Variants in SUCO observed in about 807,000 individuals in gnomAD.
SUCO encodes the protein SUN domain containing ossification factor.
In SUCO, 57 loss-of-function variants were observed where a neutral mutation model predicts 148.1. That is an observed-to-expected ratio of 0.38 (90% CI 0.31 to 0.48). The LOEUF (loss-of-function observed/expected upper bound fraction) is 0.48, where lower values mean the gene tolerates loss of function less well. Among genes scored for constraint, SUCO ranks in the 20% least tolerant of loss-of-function variants. The pLI, the probability that SUCO is intolerant of heterozygous loss-of-function variation, is 0.96. For missense variants in SUCO, 1,331 were observed against 1,468.2 expected (o/e 0.91, Z 1.53); for synonymous variants, 470 against 502.7 (o/e 0.93, Z 0.87).
intron 1 of SUCO, among the ~76,000 whole-genome samples, chr1:172,535,869 T>TCAAACTG (rs1651975974): frequency 6.6e-6 from 1 of 152,232 alleles, no homozygotes; most frequent in Admixed American, 6.5e-5. Flanking sequence ...TCTGCTTTTG[T>TCAAACTG]CTTGTAGCCT....
rs1658212267 is a variant in SUCO at position 172,611,511 on chromosome 1, CT to C, written c.*1254del. 1.3e-5 allele frequency: 2 copies of C among 152,560 alleles called. No homozygotes were observed. The highest frequency in any genetic ancestry group is 6.6e-5 in the Admixed American group (1 of 15,260). 9.5% of individuals were successfully genotyped at this position (152,560 alleles called of 1,614,324 possible). A position where few individuals can be genotyped will look rare whatever the true frequency, so the allele number is the denominator to read the frequency against. ...TTTAGTAGTGATAACTGTTTTTAAA[CT>C]TGCCTAATACCTTTCTTGGGTATTG... On this transcript the variant is annotated 3_prime_UTR_variant, in exon 24 of 24. Transcript: ENST00000263688.
intron 1 of SUCO, among the ~76,000 whole-genome samples, chr1:172,542,145 C>T (rs1199186780): frequency 6.6e-6 from 1 of 151,894 alleles, no homozygotes; most frequent in Admixed American, 6.6e-5. Context: ...TTTGGGAGGT[C>T]GAGGCAGGCG....
intron 18 of SUCO, 63 bp from the exon 19 acceptor site, chr1:172,590,921 T>C (rs1180636515): frequency 4.3e-6 from 5 of 1,174,562 alleles, no homozygotes; most frequent in Non-Finnish European, 6.2e-6. Context: ...AGAAGTATGT[T>C]TCCATTACTA....
intron 6 of SUCO, among the ~76,000 whole-genome samples, chr1:172,562,810 G>A (rs190085723): frequency 6.4e-4 from 98 of 152,282 alleles, no homozygotes; most frequent in African/African-American, 2.2e-3. Context: ...TTAGCTCTGT[G>A]TCGCCACCCA....
chr1:172,578,061 CAG>C (rs982510593), intron 13 of SUCO, among the ~76,000 whole-genome samples: 4 of 151,594 alleles, frequency 2.6e-5, no homozygotes, highest in African/African-American at 9.7e-5. Flanking sequence ...TGATAATACA[CAG>C]AAACGTTTTA....
chr1:172,557,017 T>A (rs1653804255), intron 4 of SUCO: 2 of 977,260 alleles, frequency 2.0e-6, no homozygotes, highest in African/African-American at 3.5e-5. Context: ...ATGATGGAAA[T>A]TAAACTTTAG....
intron 3 of SUCO, among the ~76,000 whole-genome samples, chr1:172,553,769 G>A (rs943844476): frequency 6.6e-6 from 1 of 151,956 alleles, no homozygotes; most frequent in East Asian, 1.9e-4. Context: ...ACTTATTGTG[G>A]GTATGAATAG....
Position 172,570,650 on chromosome 1 carries a change from CTT to C in SUCO, c.982-9_982-8del, listed in dbSNP as rs746444017. ...CCTTAAGTAATTTGTTTCCTTTCCT[CTT>C]TTTAAAATAGAGCACATCTGCTATT... On this transcript the variant is annotated splice_polypyrimidine_tract_variant and intron_variant, in intron 8 of 23. Transcript: ENST00000263688. 5 of 1,537,444 alleles carry C rather than the reference CTT, an allele frequency of 3.3e-6. No individual in the cohort carries two copies. In the East Asian group the frequency reaches 9.0e-5, roughly 28 times the overall value.
intron 6 of SUCO, among the ~76,000 whole-genome samples, chr1:172,566,299 G>A (rs2149242356): frequency 6.6e-6 from 1 of 152,304 alleles, no homozygotes; most frequent in South Asian, 2.1e-4. Context: ...GTCCCTTGCT[G>A]TTTTCTTGCT....
chr1:172,533,129 C>A (rs1056232276), upstream of SUCO: 1 of 1,439,622 alleles, frequency 6.9e-7, no homozygotes, highest in East Asian at 2.6e-5. Flanking sequence ...CGGAGCAAGG[C>A]CCCCGGCGGG....
At chr1:172,541,868 A>G (rs1652485167) in intron 1 of SUCO, 3 of 980,020 alleles carry the variant, frequency 3.1e-6, no homozygotes, top group Non-Finnish European at 3.6e-6. Context: ...ATAAAGTTCA[A>G]TGAGAAAAGA....
chr1:172,607,642 G>A (rs1657943612), intron 22 of SUCO, among the ~76,000 whole-genome samples: 1 of 151,616 alleles, frequency 6.6e-6, no homozygotes, highest in Admixed American at 6.6e-5. Context: ...TTTCTTGGCA[G>A]CTTTTCAATG....
chr1:172,581,799 A>G (rs1191221927), intron 15 of SUCO, among the ~76,000 whole-genome samples: 1 of 152,114 alleles, frequency 6.6e-6, no homozygotes, highest in African/African-American at 2.4e-5. Context: ...TTTTGCTCTC[A>G]AGTAGTTACT....
chr1:172,581,967 G>T (rs1647808128), intron 15 of SUCO, among the ~76,000 whole-genome samples: 1 of 152,178 alleles, frequency 6.6e-6, no homozygotes, highest in Non-Finnish European at 1.5e-5. Context: ...GGCTTTGTGT[G>T]TATGGCTTCC....
upstream of SUCO, chr1:172,532,445 C>G (rs763115225): frequency 1.3e-6 from 2 of 1,561,088 alleles, no homozygotes; most frequent in Non-Finnish European, 1.7e-6. Flanking sequence ...GAAGAAAAAG[C>G]GAAAGGTTTT....
In SUCO at chr1:172,608,844, G is replaced by A. The variant is rs764103529; in HGVS notation, c.3321+42G>A. ...TTTTAAGTTTATTGCTATGTTTTGT[G>A]ATAATAAATGAAGAAAAGAGGTTGA... On this transcript the variant is annotated intron_variant, in intron 23 of 23. Coordinates refer to ENST00000263688, the MANE Select transcript of SUCO (RefSeq NM_014283.5). 10 of 1,314,758 alleles carry A rather than the reference G, an allele frequency of 7.6e-6. No individual in the cohort carries two copies. In the East Asian group the frequency reaches 1.6e-4, roughly 21 times the overall value. 81.4% of individuals were successfully genotyped at this position (1,314,758 alleles called of 1,614,324 possible). A position where few individuals can be genotyped will look rare whatever the true frequency, so the allele number is the denominator to read the frequency against.
intron 18 of SUCO, chr1:172,590,323 A>G: frequency 1.0e-6 from 1 of 984,296 alleles, no homozygotes; most frequent in Non-Finnish European, 1.2e-6. Flanking sequence ...TTAAGAGTTT[A>G]GATAAGTGAA....
In SUCO at chr1:172,589,102, A is replaced by G. The variant is rs201031783; in HGVS notation, c.2001A>G (p.Leu667=). ...TTGTGTTAGCTCAACCACCCTTACT[A>G]CTTCCTGCGGAATCAGTAGATGTTT... ...DYLVLAQPPL[L]LPAESVDVSV... The change falls in exon 18 of 24, where the codon CTA becomes CTG. Residue 667 remains leucine, a synonymous_variant. Coordinates refer to ENST00000263688, the MANE Select transcript of SUCO (RefSeq NM_014283.5). 61 of 1,613,328 alleles carry G rather than the reference A, an allele frequency of 3.8e-5. No homozygotes were observed. Among genetic ancestry groups the G allele is most frequent in the Admixed American group, 8.3e-5 (5 of 59,916 alleles).
At chr1:172,552,689 A>G in intron 2 of SUCO, 2 of 941,738 alleles carry the variant, frequency 2.1e-6, no homozygotes, top group Non-Finnish European at 2.5e-6. Context: ...CCCACACAGT[A>G]TATAAGATTT....
Sources: gnomAD v4.1 joint callset for allele counts (sites outside exome capture counted in the v4.1 genomes callset) on GRCh38, gnomAD v4.1.1 for gene constraint, MANE v1.5 for transcripts, NCBI Gene and HGNC (gene_info 2026-07-23, HGNC 2026-07-21) for gene names.